Variants in LEKR1 observed in about 807,000 individuals in gnomAD.
LEKR1 encodes the protein leucine, glutamate and lysine rich 1, also known as protein LEKR1.
Under a neutral mutation model 72.4 loss-of-function variants are expected in LEKR1, and 59 were observed. That is an observed-to-expected ratio of 0.82 (90% CI 0.66 to 1.01). The LOEUF is 1.01. Among genes scored for constraint, LEKR1 ranks in the 50% least tolerant of loss-of-function variants. The pLI is 0.00. For missense variants in LEKR1, 728 were observed against 759.2 expected (o/e 0.96, Z 0.48); for synonymous variants, 257 against 263.2 (o/e 0.98, Z 0.23).
chr3:156,982,120 G>T (rs1430574931), intron 7 of LEKR1, among the ~76,000 whole-genome samples: 2 of 152,210 alleles, frequency 1.3e-5, no homozygotes, highest in African/African-American at 2.4e-5. Context: ...AGGTTTAAAA[G>T]AACGTTGTTA....
chr3:156,965,899 C>G (rs1399806232), intron 6 of LEKR1, among the ~76,000 whole-genome samples: 2 of 152,064 alleles, frequency 1.3e-5, no homozygotes, highest in Non-Finnish European at 2.9e-5. Flanking sequence ...ACTCTGAATG[C>G]TCATTATAAA....
At chr3:156,933,713 T>C (rs1169092292) in intron 5 of LEKR1, among the ~76,000 whole-genome samples, 4 of 152,246 alleles carry the variant, frequency 2.6e-5, no homozygotes, top group Middle Eastern at 3.2e-3. Context: ...ATCCATGTTT[T>C]CTTTTTCAGG....
chr3:156,879,095 A>G (rs1718971015), intron 3 of LEKR1, among the ~76,000 whole-genome samples: 1 of 152,228 alleles, frequency 6.6e-6, no homozygotes, highest in African/African-American at 2.4e-5. Context: ...GAAAATGTGG[A>G]AGCAACTTTG....
chr3:157,024,697 A>T (rs1358144086), intron 10 of LEKR1, 63 bp from the exon 11 acceptor site: 32 of 1,158,088 alleles, frequency 2.8e-5, no homozygotes, highest in Non-Finnish European at 4.0e-5. Flanking sequence ...GTTTGAAAAT[A>T]AGCTTAATGT....
intron 6 of LEKR1, among the ~76,000 whole-genome samples, chr3:156,952,134 G>A (rs923286553): frequency 5.9e-5 from 9 of 151,420 alleles, no homozygotes; most frequent in African/African-American, 2.2e-4. Context: ...TCTATTTAAA[G>A]ATACACTCTT....
At chr3:156,968,664 A>G (rs1289841038) in intron 6 of LEKR1, among the ~76,000 whole-genome samples, 1 of 152,160 alleles carries the variant, frequency 6.6e-6, no homozygotes, top group Non-Finnish European at 1.5e-5. Context: ...CTCCCCCACA[A>G]TAATAATGGG....
chr3:156,983,174 T>G (rs1367491617), intron 7 of LEKR1, among the ~76,000 whole-genome samples: 1 of 152,176 alleles, frequency 6.6e-6, no homozygotes, highest in African/African-American at 2.4e-5. Context: ...GAGAAATTTC[T>G]AGGAATTCCT....
At chr3:156,895,495 C>T (rs1423173156) in intron 3 of LEKR1, among the ~76,000 whole-genome samples, 1 of 151,994 alleles carries the variant, frequency 6.6e-6, no homozygotes, top group Admixed American at 6.6e-5. Context: ...CCTATAGTCC[C>T]AGATACTTGG....
intron 10 of LEKR1, among the ~76,000 whole-genome samples, chr3:157,020,716 G>C (rs1476617888): frequency 1.3e-5 from 2 of 151,822 alleles, no homozygotes; most frequent in Admixed American, 6.6e-5. Flanking sequence ...CTTTGCTATT[G>C]TGAATAATGC....
chr3:156,930,150 C>T (rs995039894), intron 5 of LEKR1, among the ~76,000 whole-genome samples: 13 of 151,884 alleles, frequency 8.6e-5, no homozygotes, highest in African/African-American at 3.1e-4. Flanking sequence ...GCTGGATGGA[C>T]TTTTATAGCA....
intron 9 of LEKR1, among the ~76,000 whole-genome samples, chr3:157,001,432 A>T (rs1349797365): frequency 6.6e-6 from 1 of 152,218 alleles, no homozygotes; most frequent in Non-Finnish European, 1.5e-5. Context: ...AACAGAATTT[A>T]AAACTGTCAT....
chr3:157,043,933 A>G (rs4680334), intron 12 of LEKR1, among the ~76,000 whole-genome samples: 109,370 of 152,122 alleles, frequency 0.72, 39,818 homozygotes, highest in East Asian at 0.93. Context: ...AGCTTTTATA[A>G]AAAATTACTG....
intron 2 of LEKR1, among the ~76,000 whole-genome samples, chr3:156,835,894 A>C (rs1472553280): frequency 5.7e-5 from 1 of 17,630 alleles, no homozygotes; most frequent in Non-Finnish European, 1.6e-4. Flanking sequence ...TTTTTTTTTG[A>C]GATGAGTCTC....
intron 3 of LEKR1, among the ~76,000 whole-genome samples, chr3:156,872,567 A>G (rs1371112994): frequency 6.6e-6 from 1 of 151,944 alleles, no homozygotes; most frequent in Admixed American, 6.6e-5. Flanking sequence ...ATTGTTTGAT[A>G]TAGGTGTTTA....
intron 7 of LEKR1, among the ~76,000 whole-genome samples, chr3:156,990,961 A>C (rs1375679852): frequency 2.0e-5 from 3 of 152,176 alleles, no homozygotes; most frequent in Admixed American, 1.3e-4. Flanking sequence ...GGGAATATAC[A>C]TATGTCAAAT....
intron 5 of LEKR1, among the ~76,000 whole-genome samples, chr3:156,929,448 G>A (rs1725006449): frequency 6.6e-6 from 1 of 152,088 alleles, no homozygotes; most frequent in South Asian, 2.1e-4. Context: ...AGTAGACTTT[G>A]CTTAAAGGTG....
chr3:157,004,628 G>A (rs937768774), intron 9 of LEKR1, among the ~76,000 whole-genome samples: 1 of 152,178 alleles, frequency 6.6e-6, no homozygotes, highest in Non-Finnish European at 1.5e-5. Flanking sequence ...TGTACTGTAT[G>A]TTCTCTGGTC....
rs370705825 is a variant in LEKR1 at position 156,915,176 on chromosome 3, T to G, written c.264-5399T>G. Among the ~76,000 whole-genome samples, 14 of 152,274 alleles carry G rather than the reference T, an allele frequency of 9.2e-5. No individual in the cohort carries two copies. The South Asian group carries it at 1.7e-3, about 18-fold the overall frequency. On this transcript the variant is annotated intron_variant, in intron 3 of 12. Coordinates refer to ENST00000356539, the MANE Select transcript of LEKR1 (RefSeq NM_001004316.3). The stretch of plus-strand genomic sequence containing the variant: ...TCGTTAATGGGCATTTAGGTTGATT[T>G]TGTGTCTTTGATATTGTGAATAGTG...
intron 2 of LEKR1, among the ~76,000 whole-genome samples, chr3:156,833,063 T>G (rs1018211572): frequency 2.6e-5 from 4 of 152,214 alleles, no homozygotes; most frequent in Non-Finnish European, 5.9e-5. Flanking sequence ...TATGCTTCAT[T>G]CAATTGTTAA....
Sources: allele counts gnomAD v4.1 joint callset (sites outside exome capture counted in the v4.1 genomes callset), GRCh38; gene constraint gnomAD v4.1.1; transcripts MANE v1.5; gene names NCBI Gene and HGNC (gene_info 2026-07-23, HGNC 2026-07-21).